Variants in BRINP3 observed in about 807,000 individuals in gnomAD.
BRINP3 encodes BMP/retinoic acid inducible neural specific 3.
BRINP3 carries 19 observed loss-of-function variants against 71.0 expected under a neutral mutation model. That is an observed-to-expected ratio of 0.27 (90% CI 0.19 to 0.39). The LOEUF (loss-of-function observed/expected upper bound fraction) is 0.39, where lower values mean the gene tolerates loss of function less well. BRINP3 is among the 10% of genes least tolerant of loss of function. The pLI is 1.00. For synonymous variants in BRINP3, 380 were observed against 337.7 expected (o/e 1.13, Z -1.37); for missense variants, 959 against 940.8 (o/e 1.02, Z -0.25).
chr1:190,313,602 T>A (rs545658316), intron 2 of BRINP3, among the ~76,000 whole-genome samples: 1 of 152,132 alleles, frequency 6.6e-6, no homozygotes, highest in African/African-American at 2.4e-5. Context: ...TACAACATCA[T>A]CAACAATAAT....
In BRINP3 at chr1:190,160,828, T is replaced by C. The variant is rs757794234; in HGVS notation, c.1024A>G (p.Met342Val). 4.3e-6 allele frequency: 7 copies of C among 1,613,422 alleles called. No individual in the cohort carries two copies. The highest frequency in any genetic ancestry group is 2.2e-5 in the South Asian group (2 of 91,076). ...MNYFLNTSTIMHLWTMDSNFQ... is the reference protein window; with the variant it reads ...MNYFLNTSTIVHLWTMDSNFQ... Reference sequence around the variant, plus strand: ...TTAGAATCCATTGTCCACAAATGCATTATAGTAGATGTGTTGAGGAAATAA... The same window carrying C: ...TTAGAATCCATTGTCCACAAATGCACTATAGTAGATGTGTTGAGGAAATAA... Residue 342 changes from methionine to valine, a missense_variant, in exon 7 of 8, where the codon ATG (methionine) becomes GTG (valine). Met to Val is a conservative substitution (Grantham distance 21, BLOSUM62 1). Transcript: ENST00000367462.
chr1:190,469,423 C>T (rs547212544), intron 1 of BRINP3, among the ~76,000 whole-genome samples: 31 of 150,832 alleles, frequency 2.1e-4, no homozygotes, highest in Admixed American at 1.1e-3. Flanking sequence ...ACATGCTTGG[C>T]GTTATATGCA....
intron 2 of BRINP3, among the ~76,000 whole-genome samples, chr1:190,418,850 C>T (rs375913875): frequency 3.3e-5 from 5 of 152,110 alleles, no homozygotes; most frequent in African/African-American, 1.2e-4. Flanking sequence ...CACCTCGGCA[C>T]ACTCATTGTA....
At chr1:190,119,584 G>A (rs1653458606) in intron 7 of BRINP3, among the ~76,000 whole-genome samples, 1 of 152,082 alleles carries the variant, frequency 6.6e-6, no homozygotes, top group African/African-American at 2.4e-5. Context: ...ACCGTGCCCA[G>A]CCCTCTTTTT....
intron 2 of BRINP3, among the ~76,000 whole-genome samples, chr1:190,349,457 A>C (rs1668232890): frequency 6.6e-6 from 1 of 152,100 alleles, no homozygotes; most frequent in African/African-American, 2.4e-5. Context: ...TAGAGTTCTA[A>C]AAAAGTTAAA....
At chr1:190,344,780 G>A (rs1667902512) in intron 2 of BRINP3, among the ~76,000 whole-genome samples, 1 of 151,906 alleles carries the variant, frequency 6.6e-6, no homozygotes, top group Non-Finnish European at 1.5e-5. Flanking sequence ...GGTAGACACA[G>A]TATTAAATTA....
intron 2 of BRINP3, among the ~76,000 whole-genome samples, chr1:190,308,352 T>C (rs1157170855): frequency 6.6e-6 from 1 of 151,840 alleles, no homozygotes; most frequent in African/African-American, 2.4e-5. Flanking sequence ...GTAATGATTG[T>C]GTAAGTATTG....
chr1:190,375,585 C>G (rs192009168), intron 2 of BRINP3, among the ~76,000 whole-genome samples: 1 of 151,836 alleles, frequency 6.6e-6, no homozygotes, highest in Admixed American at 6.6e-5. Flanking sequence ...AAGAGACCAA[C>G]CCAACAGAAA....
rs550180072 is a variant in BRINP3, at chr1:190,448,916, G to T, written c.236+5739C>A. On this transcript the variant is annotated intron_variant, in intron 2 of 7. Transcript: ENST00000367462. ...CTTTTTACATTCACAAGTTGTTAAG[G>T]TTGGCAATAATATTTTAAACTTAAT... Among the ~76,000 whole-genome samples, 18 of 151,836 alleles carry T rather than the reference G, an allele frequency of 1.2e-4. No individual in the cohort carries two copies. The South Asian group carries it at 3.7e-3, about 32-fold the overall frequency.
At chr1:190,136,198 A>G (rs1253287803) in intron 7 of BRINP3, among the ~76,000 whole-genome samples, 1 of 152,150 alleles carries the variant, frequency 6.6e-6, no homozygotes, top group Admixed American at 6.6e-5. Flanking sequence ...AATATAATAT[A>G]TTGCTATCAT....
chr1:190,416,028 T>C (rs746670374), intron 2 of BRINP3, among the ~76,000 whole-genome samples: 1 of 152,170 alleles, frequency 6.6e-6, no homozygotes, highest in Non-Finnish European at 1.5e-5. Flanking sequence ...TTCAATATGT[T>C]CCTAAGTTAA....
Position 190,132,230 on chromosome 1 carries a change from A to G in BRINP3, c.1184+28438T>C, listed in dbSNP as rs150065685. The stretch of plus-strand genomic sequence containing the variant: ...CCTCCTATAGATGGGTAATTTACCT[A>G]GAAACTACCTAATCAATCATTCTTT... On this transcript the variant is annotated intron_variant, in intron 7 of 7. Coordinates refer to ENST00000367462, the MANE Select transcript of BRINP3 (RefSeq NM_199051.3). Among the ~76,000 whole-genome samples, 77 of 152,210 alleles carry G rather than the reference A, an allele frequency of 5.1e-4. No individual in the cohort carries two copies. In the East Asian group the frequency reaches 0.014, roughly 28 times the overall value.
At chr1:190,110,977 C>T (rs1377362239) in intron 7 of BRINP3, among the ~76,000 whole-genome samples, 1 of 151,854 alleles carries the variant, frequency 6.6e-6, no homozygotes, top group Non-Finnish European at 1.5e-5. Flanking sequence ...AGATTGAGAT[C>T]ATCCTGGCTA....
At chr1:190,469,541 T>C (rs1395213830) in intron 1 of BRINP3, among the ~76,000 whole-genome samples, 13 of 151,018 alleles carry the variant, frequency 8.6e-5, no homozygotes. Flanking sequence ...ATTTAGAGTG[T>C]ATTTATAATT....
intron 7 of BRINP3, among the ~76,000 whole-genome samples, chr1:190,158,224 T>C (rs1657035283): frequency 2.0e-5 from 3 of 152,084 alleles, no homozygotes; most frequent in Non-Finnish European, 4.4e-5. Flanking sequence ...GGAGTTTCCC[T>C]GCACAAGTTC....
rs1264798110 is a variant in BRINP3, at chr1:190,302,959, A to C, written c.237-21209T>G. On this transcript the variant is annotated intron_variant, in intron 2 of 7. Coordinates refer to ENST00000367462, the MANE Select transcript of BRINP3 (RefSeq NM_199051.3). ...GTATAGACATTTATAGTTGTGTTTC[A>C]CTTCGGCAAAAAGATAAAAATATTA... Among the ~76,000 whole-genome samples, 190 of 151,914 alleles carry C rather than the reference A, an allele frequency of 1.3e-3. 1 individual carries two copies. Among genetic ancestry groups the C allele is most frequent in the Non-Finnish European group, 1.5e-4 (10 of 67,762 alleles).
Position 190,273,319 on chromosome 1 carries a change from A to G in BRINP3, c.427+8241T>C, listed in dbSNP as rs565029767. On this transcript the variant is annotated intron_variant, in intron 3 of 7. Coordinates refer to ENST00000367462, the MANE Select transcript of BRINP3 (RefSeq NM_199051.3). ...TTTTTTAAACCAGCTGTAGCTCATA[A>G]GCATGACATGGGTTCCAAAGGACAT... is the stretch of plus-strand genomic sequence containing the variant. 2.6e-5 allele frequency among the ~76,000 whole-genome samples: 4 copies of G among 151,720 alleles called. No individual in the cohort carries two copies. The South Asian group carries it at 8.3e-4, about 31-fold the overall frequency.
chr1:190,357,650 G>A (rs1402680145), intron 2 of BRINP3, among the ~76,000 whole-genome samples: 3 of 151,866 alleles, frequency 2.0e-5, no homozygotes, highest in Non-Finnish European at 2.9e-5. Flanking sequence ...TTGGCGATGC[G>A]GGATCCTTTA....
chr1:190,212,314 T>C (rs536657373), intron 6 of BRINP3, among the ~76,000 whole-genome samples: 1 of 152,222 alleles, frequency 6.6e-6, no homozygotes, highest in South Asian at 2.1e-4. Flanking sequence ...TTAAATGACT[T>C]TCTAATGATC....
Sources: allele counts gnomAD v4.1 joint callset (sites outside exome capture counted in the v4.1 genomes callset), GRCh38; gene constraint gnomAD v4.1.1; transcripts MANE v1.5; gene names NCBI Gene and HGNC (gene_info 2026-07-23, HGNC 2026-07-21).